GOLGA1: variants seen among roughly 807,000 people sequenced by gnomAD.
The protein encoded by GOLGA1 is golgin A1, also known as golgin subfamily A member 1.
In GOLGA1, 63 loss-of-function variants were observed where a neutral mutation model predicts 119.7. That is an observed-to-expected ratio of 0.53 (90% CI 0.43 to 0.65). GOLGA1 has a LOEUF of 0.65. Ranked by LOEUF, GOLGA1 falls within the 30% of genes least tolerant of loss-of-function variation. The probability of loss-of-function intolerance (pLI) is 0.00; values close to 1 mark genes in which losing one functional copy is unlikely to be tolerated. For synonymous variants in GOLGA1, 318 were observed against 333.4 expected (o/e 0.95, Z 0.50); for missense variants, 798 against 912.8 (o/e 0.87, Z 1.62).
chr9:124,890,335 G>T, intron 16 of GOLGA1, 54 bp downstream of exon 16: 1 of 1,200,482 alleles, frequency 8.3e-7, no homozygotes, highest in Non-Finnish European at 1.2e-6. Context: ...GGATGGGCCT[G>T]CTGCCTGTGG....
intron 10 of GOLGA1, among the ~76,000 whole-genome samples, chr9:124,916,344 T>G (rs1424046914): frequency 1.3e-5 from 2 of 151,754 alleles, no homozygotes; most frequent in African/African-American, 4.8e-5. Flanking sequence ...AAAGTAAAAT[T>G]TTGTTTCCAA....
At chr9:124,900,392 C>T in intron 13 of GOLGA1, 60 bp downstream of exon 13, 2 of 879,708 alleles carry the variant, frequency 2.3e-6, no homozygotes, top group Non-Finnish European at 1.9e-6. Context: ...GGAGCATCTG[C>T]AAAGGCCTGG....
At chr9:124,919,247 C>T (rs1009402736) in intron 10 of GOLGA1, among the ~76,000 whole-genome samples, 1 of 150,972 alleles carries the variant, frequency 6.6e-6, no homozygotes, top group Non-Finnish European at 1.5e-5. Flanking sequence ...AGAGCAAGAC[C>T]GTGTCTCAAA....
rs1298554132 is a variant in GOLGA1, at chr9:124,881,269, T to TA, written c.2137-13dup. On this transcript the variant is annotated splice_polypyrimidine_tract_variant and intron_variant, in intron 21 of 22. Transcript: ENST00000373555. The surrounding 1 kb of genome is among the most constrained non-coding windows in gnomAD (Gnocchi z 4.9). The stretch of plus-strand genomic sequence containing the variant: ...ATAAGATGAAAAGCCTGAAACACAG[T>TA]AAGTTTTGCTGCCATAGGCCTTGGT... 7 of 1,540,608 alleles carry TA rather than the reference T, an allele frequency of 4.5e-6. No individual in the cohort carries two copies. The highest frequency in any genetic ancestry group is 6.3e-6 in the Non-Finnish European group (7 of 1,112,928).
chr9:124,888,156 GAA>G lies in GOLGA1; in HGVS notation c.1905+95_1905+96del. The stretch of plus-strand genomic sequence containing the variant: ...GTCATGGTTGCCAGGAGGTGCGGGG[GAA>G]ACCACAAAAACCTCCAAGGATGGAC... On this transcript the variant is annotated intron_variant, in intron 19 of 22. Transcript: ENST00000373555. The surrounding 1 kb of genome is among the most constrained non-coding windows in gnomAD (Gnocchi z 4.4). 1 of 1,182,038 alleles carries G rather than the reference GAA, an allele frequency of 8.5e-7. No individual in the cohort carries two copies. 73.2% of individuals were successfully genotyped at this position (1,182,038 alleles called of 1,614,324 possible). A position where few individuals can be genotyped will look rare whatever the true frequency, so the allele number is the denominator to read the frequency against.
At chr9:124,930,194 G>A (rs888617184) in intron 4 of GOLGA1, among the ~76,000 whole-genome samples, 2 of 152,088 alleles carry the variant, frequency 1.3e-5, no homozygotes, top group South Asian at 2.1e-4. Flanking sequence ...TCTAACGTAA[G>A]TCAAGCTCAA....
In GOLGA1 at chr9:124,911,929, TCTC is replaced by T. The variant is rs761045781; in HGVS notation, c.938_940del (p.Gly313del). The T allele has an allele frequency of 6.8e-6, 11 of 1,610,982 alleles. No individual in the cohort carries two copies. Among genetic ancestry groups the T allele is most frequent in the East Asian group, 4.5e-5 (2 of 44,874 alleles). ...TTTCAGGAGTTCTTGCAAGTGTTCT[TCTC>T]CTGATAAGTTCTGTTCTAGTCTCTT... On this transcript the variant is annotated inframe_deletion, in exon 11 of 23. Transcript: ENST00000373555.
intron 3 of GOLGA1, among the ~76,000 whole-genome samples, chr9:124,937,558 G>A (rs969947186): frequency 1.3e-5 from 2 of 151,906 alleles, no homozygotes; most frequent in Admixed American, 6.6e-5. Context: ...TTGAACCCGG[G>A]AGGTGGAGGA....
At chr9:124,933,404 G>A (rs937773647) in intron 3 of GOLGA1, among the ~76,000 whole-genome samples, 5 of 151,612 alleles carry the variant, frequency 3.3e-5, no homozygotes, top group Non-Finnish European at 7.4e-5. Context: ...GTTTCCTTCT[G>A]GAGTCTGGAT....
At chr9:124,906,029 C>T (rs1246049731) in intron 12 of GOLGA1, among the ~76,000 whole-genome samples, 2 of 151,626 alleles carry the variant, frequency 1.3e-5, no homozygotes, top group African/African-American at 2.4e-5. Context: ...AGAAGAATTG[C>T]TTCAACCTGG....
intron 7 of GOLGA1, among the ~76,000 whole-genome samples, chr9:124,925,101 T>C (rs1009225041): frequency 5.3e-5 from 8 of 151,712 alleles, no homozygotes; most frequent in Non-Finnish European, 1.0e-4. Context: ...AGAAAAATTT[T>C]CCCCAACCTC....
intron 2 of GOLGA1, among the ~76,000 whole-genome samples, chr9:124,939,550 C>CTTTTTTTTTTTTTTTTTTTTTTTTT (rs3051147): frequency 1.2e-5 from 1 of 81,858 alleles, no homozygotes; most frequent in Non-Finnish European, 2.4e-5. Flanking sequence ...TTCTTTCTTT[C>CTTTTTTTTTTTTTTTTTTTTTTTTT]TTTTTTTTTT....
At chr9:124,886,993 C>A (rs1222102464) in intron 19 of GOLGA1, among the ~76,000 whole-genome samples, 1 of 152,190 alleles carries the variant, frequency 6.6e-6, no homozygotes, top group African/African-American at 2.4e-5. Context: ...CCAGCCAGGT[C>A]TGCCTCCATG....
At chr9:124,925,742 T>C (rs1280351106) in intron 7 of GOLGA1, among the ~76,000 whole-genome samples, 1 of 152,172 alleles carries the variant, frequency 6.6e-6, no homozygotes, top group Non-Finnish European at 1.5e-5. Flanking sequence ...TCTCTCAGCT[T>C]GATAATCAGA....
At chr9:124,920,685 C>A (rs1347670294) in intron 10 of GOLGA1, among the ~76,000 whole-genome samples, 1 of 151,824 alleles carries the variant, frequency 6.6e-6, no homozygotes, top group African/African-American at 2.4e-5. Flanking sequence ...CCTGTAATCT[C>A]AGCACTTTGG....
At chr9:124,885,702 A>C (rs1011309984) in intron 19 of GOLGA1, among the ~76,000 whole-genome samples, 18 of 151,900 alleles carry the variant, frequency 1.2e-4, no homozygotes, top group African/African-American at 4.4e-4. Context: ...ACTTGATGGG[A>C]GTGAGGCCCC....
upstream of GOLGA1, among the ~76,000 whole-genome samples, chr9:124,941,505 C>A (rs1444337889): frequency 6.6e-6 from 1 of 152,222 alleles, no homozygotes; most frequent in Non-Finnish European, 1.5e-5. Flanking sequence ...TAGGCAGCTG[C>A]CTTGCCACCG....
intron 12 of GOLGA1, 26 bp from the exon 13 acceptor site, chr9:124,900,573 T>A: frequency 8.5e-7 from 1 of 1,177,742 alleles, no homozygotes; most frequent in Non-Finnish European, 1.3e-6. Context: ...AAGCATTCTT[T>A]CTGTTCACAA....
intron 10 of GOLGA1, among the ~76,000 whole-genome samples, chr9:124,920,286 A>AT (rs113594549): frequency 1.7e-3 from 243 of 139,352 alleles, no homozygotes; most frequent in Middle Eastern, 0.014. Flanking sequence ...CAACTGGCTA[A>AT]TTTTTTTTTT....
Sources: allele counts gnomAD v4.1 joint callset (sites outside exome capture counted in the v4.1 genomes callset), GRCh38; gene constraint gnomAD v4.1.1; non-coding constraint Gnocchi (gnomAD v3.1); transcripts MANE v1.5; gene names NCBI Gene and HGNC (gene_info 2026-07-23, HGNC 2026-07-21).